C15orf39: variants seen among roughly 807,000 people sequenced by gnomAD.
C15orf39 encodes the protein PRMT2 interacting protein, also known as uncharacterized protein C15orf39.
A neutral mutation model predicts 53.9 loss-of-function variants in C15orf39; 24 were observed. That is an observed-to-expected ratio of 0.45 (90% CI 0.32 to 0.63). The LOEUF (loss-of-function observed/expected upper bound fraction) is 0.63. Ranked by LOEUF, C15orf39 falls within the 20% of genes least tolerant of loss-of-function variation. The pLI is 0.04. For synonymous variants in C15orf39, 569 were observed against 576.5 expected, an observed-to-expected ratio of 0.99 and a Z score of 0.19; for missense variants, 1,271 against 1,347.9, an observed-to-expected ratio of 0.94 and a Z score of 0.89.
rs748390689 is a variant in C15orf39 at position 75,211,134 on chromosome 15, G to A, written c.*18G>A. ...ACCTGTAGCACTGGTTGCCAGTGCT[G>A]TGTGTATAGCAGTCACTCTCCACCC... On this transcript the variant is annotated 3_prime_UTR_variant, in exon 3 of 3. Transcript: ENST00000394987. 6.3e-7 allele frequency: 1 copy of A among 1,583,480 alleles called. No individual in the cohort carries two copies. Among genetic ancestry groups the A allele is most frequent in the South Asian group, 1.1e-5 (1 of 88,798 alleles).
chr15:75,206,927 G>A lies in C15orf39; in HGVS notation c.879G>A (p.Glu293=). Residue 293 remains glutamate (E), a synonymous_variant, in exon 2 of 3, where the codon GAG becomes GAA. Coordinates refer to ENST00000394987, the MANE Select transcript of C15orf39 (RefSeq NM_015492.5). ...GCCCTCCAGCCTGTCGCCACCCAGAGAAGCAGGGCAGCTACAGCCCAGCAC... is the reference window on the plus strand; with the variant it reads ...GCCCTCCAGCCTGTCGCCACCCAGAAAAGCAGGGCAGCTACAGCCCAGCAC... The part of the protein sequence containing the change: ...LPCPPACRHP[E]KQGSYSPALP... 1 of 1,442,880 alleles carries A rather than the reference G, an allele frequency of 6.9e-7. No homozygotes were observed. The highest frequency in any genetic ancestry group is 9.2e-7 in the Non-Finnish European group (1 of 1,086,008). 89.4% of individuals were successfully genotyped at this position (1,442,880 alleles called of 1,614,324 possible).
chr15:75,205,255 G>A (rs1708588694), intron 1 of C15orf39, among the ~76,000 whole-genome samples: 1 of 152,222 alleles, frequency 6.6e-6, no homozygotes, highest in Non-Finnish European at 1.5e-5. Flanking sequence ...GGACCCTGTG[G>A]TGGGAGGCAG....
In C15orf39 at chr15:75,207,973, A is replaced by G. The variant is rs955917783; in HGVS notation, c.1925A>G (p.Asn642Ser). The change falls in exon 2 of 3, where the codon AAC (asparagine) becomes AGC (serine). Residue 642 changes from asparagine to serine, a missense_variant. By Grantham distance (46) the Asn-to-Ser change is conservative. This residue lies in a region of C15orf39 where 994 missense variants were observed against 993.7 expected (regional missense o/e 1.00). Coordinates refer to ENST00000394987, the MANE Select transcript of C15orf39 (RefSeq NM_015492.5). Reference protein sequence around the residue: ...PVTTDAMPRTNFHSSVAFMFR... With the variant: ...PVTTDAMPRTSFHSSVAFMFR... ...ACCACAGATGCCATGCCAAGGACCA[A>G]CTTCCACAGCTCTGTGGCCTTCATG... 15 of 1,613,800 alleles carry G rather than the reference A, an allele frequency of 9.3e-6. No homozygotes were observed. The highest frequency in any genetic ancestry group is 1.2e-5 in the Non-Finnish European group (14 of 1,180,024).
Position 75,206,380 on chromosome 15 carries a change from A to G in C15orf39, c.332A>G (p.Glu111Gly). 1 of 1,613,994 alleles carries G rather than the reference A, an allele frequency of 6.2e-7. No homozygotes were observed. The change falls in exon 2 of 3, where the codon GAG becomes GGG. Residue 111 changes from glutamate (E) to glycine (G), a missense_variant. By Grantham distance (98) the Glu-to-Gly change is moderately conservative. Coordinates refer to ENST00000394987, the MANE Select transcript of C15orf39 (RefSeq NM_015492.5). ...PEKMQDSSPV[E>G]LLPFSPQAHS... Reference sequence around the variant, plus strand: ...AAGATGCAGGACTCCAGCCCTGTTGAGCTCCTGCCCTTCAGTCCCCAGGCT... The same window carrying G: ...AAGATGCAGGACTCCAGCCCTGTTGGGCTCCTGCCCTTCAGTCCCCAGGCT...
At position 75,211,248 on chromosome 15, in the gene C15orf39, G is replaced by A. The variant is rs1046110214; in HGVS notation, c.*132G>A. On this transcript the variant is annotated 3_prime_UTR_variant, in exon 3 of 3. Transcript: ENST00000394987. ...CTGGAGGGGTTCCATCTCTGACCCT[G>A]TGGCCCATTCAGGGTGGGCTGAAGA... 52 of 1,299,724 alleles carry A rather than the reference G, an allele frequency of 4.0e-5. No homozygotes were observed. The highest frequency in any genetic ancestry group is 5.2e-5 in the Non-Finnish European group (50 of 967,756). 80.5% of individuals were successfully genotyped at this position (1,299,724 alleles called of 1,614,324 possible).
chr15:75,206,458 C>T lies in C15orf39; in HGVS notation c.410C>T (p.Pro137Leu), dbSNP rs910376894. The T allele has an allele frequency of 6.2e-7, 1 of 1,613,982 alleles. No individual in the cohort carries two copies. The highest frequency in any genetic ancestry group is 8.5e-7 in the Non-Finnish European group (1 of 1,179,992). Reference sequence around the variant, plus strand: ...GCACCCAAACCTGTCTACCGCAACCCTCTGTGCTATGGGCTCTCAACTTGT... The same window carrying T: ...GCACCCAAACCTGTCTACCGCAACCTTCTGTGCTATGGGCTCTCAACTTGT... ...LAAPKPVYRN[P>L]LCYGLSTCLG... Residue 137 changes from proline (P) to leucine (L), a missense_variant, in exon 2 of 3, where the codon CCT (proline) becomes CTT (leucine). Coordinates refer to ENST00000394987, the MANE Select transcript of C15orf39 (RefSeq NM_015492.5).
chr15:75,209,085 C>T (rs978513010), intron 2 of C15orf39: 28 of 531,244 alleles, frequency 5.3e-5, no homozygotes, highest in African/African-American at 3.7e-4. Flanking sequence ...CCTGGTGCTG[C>T]ACCTTCTTGG....
rs370236081 is a variant in C15orf39, at chr15:75,211,142, A to G, written c.*26A>G. 10 of 1,565,632 alleles carry G rather than the reference A, an allele frequency of 6.4e-6. No individual in the cohort carries two copies. Among genetic ancestry groups the G allele is most frequent in the African/African-American group, 1.3e-5 (1 of 74,502 alleles). On this transcript the variant is annotated 3_prime_UTR_variant, in exon 3 of 3. Coordinates refer to ENST00000394987, the MANE Select transcript of C15orf39 (RefSeq NM_015492.5). ...CACTGGTTGCCAGTGCTGTGTGTAT[A>G]GCAGTCACTCTCCACCCTTCCCTTC...
rs1037812719 is a variant in C15orf39, at chr15:75,211,208, G to A, written c.*92G>A. The A allele has an allele frequency of 3.4e-6, 5 of 1,483,866 alleles. No individual in the cohort carries two copies. Among genetic ancestry groups the A allele is most frequent in the Non-Finnish European group, 4.5e-6 (5 of 1,115,152 alleles). The allele number at this position is 1,483,866 out of a possible 1,614,324, so 91.9% of individuals were successfully genotyped here. ...CCCGGGGCCACGAGTGGATGCTGGG[G>A]CTGTGGCTGCTCCCCTGGAGGGGTT... is the stretch of plus-strand genomic sequence containing the variant. On this transcript the variant is annotated 3_prime_UTR_variant, in exon 3 of 3. Coordinates refer to ENST00000394987, the MANE Select transcript of C15orf39 (RefSeq NM_015492.5).
rs767559287 is a variant in C15orf39 at position 75,207,822 on chromosome 15, C to G, written c.1774C>G (p.Arg592Gly). The change falls in exon 2 of 3, where the codon CGT becomes GGT. Residue 592 changes from arginine to glycine, a missense_variant. Coordinates refer to ENST00000394987, the MANE Select transcript of C15orf39 (RefSeq NM_015492.5). Reference sequence around the variant, plus strand: ...AGAGGCCTCCCCTGTCAAGGCTTCCCGTTCTGTGGAGCATGCCAAGCCTAC... The same window carrying G: ...AGAGGCCTCCCCTGTCAAGGCTTCCGGTTCTGTGGAGCATGCCAAGCCTAC... Reference protein sequence around the residue: ...TAEASPVKASRSVEHAKPTAA... With the variant: ...TAEASPVKASGSVEHAKPTAA... 5.6e-6 allele frequency: 9 copies of G among 1,612,200 alleles called. No individual in the cohort carries two copies. Among genetic ancestry groups the G allele is most frequent in the Middle Eastern group, 1.6e-4 (1 of 6,082 alleles).
In C15orf39 at chr15:75,210,869, G is replaced by A. The variant is rs952959666; in HGVS notation, c.2897G>A (p.Arg966Lys). 2 of 1,613,822 alleles carry A rather than the reference G, an allele frequency of 1.2e-6. No homozygotes were observed. Among genetic ancestry groups the A allele is most frequent in the Non-Finnish European group, 8.5e-7 (1 of 1,179,992 alleles). ...GCCCCCAAGGTCAGGAAGCCAGGCA[G>A]GAAGCCACCAACCCCTGGCCCGGAG... ...SPAPKVRKPGRKPPTPGPEKA... is the reference protein window; with the variant it reads ...SPAPKVRKPGKKPPTPGPEKA... Residue 966 changes from arginine (R) to lysine (K), a missense_variant, in exon 3 of 3, where the codon AGG (arginine) becomes AAG (lysine). Physicochemically the swap from Arg to Lys is conservative, Grantham distance 26. Transcript: ENST00000394987.
chr15:75,200,456 C>G (rs1162290200), upstream of C15orf39, among the ~76,000 whole-genome samples: 2 of 152,164 alleles, frequency 1.3e-5, no homozygotes, highest in Admixed American at 1.3e-4. Context: ...ACACAGCCCT[C>G]CTTCCACCCC....
chr15:75,201,374 G>C (rs2070400169), upstream of C15orf39, among the ~76,000 whole-genome samples: 1 of 152,168 alleles, frequency 6.6e-6, no homozygotes, highest in African/African-American at 2.4e-5. This position sits in a 1 kb window ranked among gnomAD's most constrained non-coding sequence, Gnocchi z 4.7. Context: ...CCGTGCCCTA[G>C]CAGGAGTCTG....
Position 75,205,252 on chromosome 15 carries a change from G to C in C15orf39, c.-50-747G>C, listed in dbSNP as rs150972550. The stretch of plus-strand genomic sequence containing the variant: ...CTGTGGCATCTTGGAATAGGACCCT[G>C]TGGTGGGAGGCAGGAGGCCTGCTTC... On this transcript the variant is annotated intron_variant, in intron 1 of 2. Transcript: ENST00000394987. 5.9e-5 allele frequency among the ~76,000 whole-genome samples: 9 copies of C among 152,354 alleles called. No individual in the cohort carries two copies. In the East Asian group the frequency reaches 1.7e-3, roughly 29 times the overall value.
chr15:75,205,029 T>C (rs1014149297), intron 1 of C15orf39, among the ~76,000 whole-genome samples: 3 of 152,046 alleles, frequency 2.0e-5, no homozygotes, highest in Non-Finnish European at 4.4e-5. Flanking sequence ...CAGACTGATG[T>C]CCCCAGTTAC....
At position 75,207,891 on chromosome 15, in the gene C15orf39, C is replaced by T. The variant is rs148696243; in HGVS notation, c.1843C>T (p.Leu615=). 3 of 1,613,680 alleles carry T rather than the reference C, an allele frequency of 1.9e-6. No individual in the cohort carries two copies. Among genetic ancestry groups the T allele is most frequent in the South Asian group, 1.1e-5 (1 of 91,084 alleles). The change falls in exon 2 of 3, where the codon CTG becomes TTG. Residue 615 remains leucine (L), a synonymous_variant. Coordinates refer to ENST00000394987, the MANE Select transcript of C15orf39 (RefSeq NM_015492.5). ...AGATGTGGGCAACATGGTGTCAGATCTGCCAGGCCTGAAAAAGATAGACAC... is the reference window on the plus strand; with the variant it reads ...AGATGTGGGCAACATGGTGTCAGATTTGCCAGGCCTGAAAAAGATAGACAC... ...VPDVGNMVSD[L]PGLKKIDTEA...
intron 2 of C15orf39, chr15:75,209,030 T>A: frequency 1.2e-6 from 1 of 857,504 alleles, no homozygotes; most frequent in Non-Finnish European, 1.7e-6. Context: ...TGTAGGCTTC[T>A]GAACATGCCA....
rs776853777 is a variant in C15orf39 at position 75,207,451 on chromosome 15, C to A, written c.1403C>A (p.Pro468Gln). 12 of 1,613,554 alleles carry A rather than the reference C, an allele frequency of 7.4e-6. No homozygotes were observed. The highest frequency in any genetic ancestry group is 1.6e-4 in the Middle Eastern group (1 of 6,084). Residue 468 changes from proline (P) to glutamine (Q), a missense_variant, in exon 2 of 3, where the codon CCA becomes CAA. By Grantham distance (76) the Pro-to-Gln change is moderately conservative (BLOSUM62 -1). Around this residue, in one of 2 missense-constraint regions of C15orf39, gnomAD observed 994 missense variants for 993.7 expected, o/e 1.00. Coordinates refer to ENST00000394987, the MANE Select transcript of C15orf39 (RefSeq NM_015492.5). ...SGPPIVIRDS[P>Q]VPCTPPALPP... ...CCGCCCATCGTCATCCGAGACAGTC[C>A]AGTTCCCTGTACCCCCCCAGCACTG...
intron 1 of C15orf39, among the ~76,000 whole-genome samples, chr15:75,205,790 C>T (rs950359616): frequency 7.2e-5 from 11 of 152,164 alleles, no homozygotes; most frequent in Middle Eastern, 3.4e-3. Context: ...CACTCCAGCC[C>T]GGGCAACAGA....
Sources: gnomAD v4.1 joint callset for allele counts (sites outside exome capture counted in the v4.1 genomes callset) on GRCh38, gnomAD v4.1.1 for gene constraint, gnomAD v4.1.1 regional missense constraint, Gnocchi (gnomAD v3.1) non-coding constraint, MANE v1.5 for transcripts, NCBI Gene and HGNC (gene_info 2026-07-23, HGNC 2026-07-21) for gene names.